PRKCH: variants seen among roughly 807,000 people sequenced by gnomAD.
PRKCH encodes protein kinase C eta.
PRKCH carries 28 observed loss-of-function variants against 82.5 expected under a neutral mutation model. The observed-to-expected ratio is 0.34, with a 90% CI of 0.25 to 0.47. The LOEUF is 0.47. Ranked by LOEUF, PRKCH falls within the 20% of genes least tolerant of loss-of-function variation. The pLI, the probability that PRKCH is intolerant of heterozygous loss-of-function variation, is 1.00. For missense variants in PRKCH, 705 were observed against 881.8 expected, an observed-to-expected ratio of 0.80 and a Z score of 2.54; for synonymous variants, 322 against 327.4, an observed-to-expected ratio of 0.98 and a Z score of 0.18.
chr14:61,426,345 AT>A (rs1205122195), intron 2 of PRKCH, among the ~76,000 whole-genome samples: 4 of 92,468 alleles, frequency 4.3e-5, no homozygotes, highest in Non-Finnish European at 8.6e-5. Context: ...AATGAAAACA[AT>A]TTTTTTAATG....
At chr14:61,493,518 A>G (rs1193450258) in intron 10 of PRKCH, among the ~76,000 whole-genome samples, 1 of 152,218 alleles carries the variant, frequency 6.6e-6, no homozygotes, top group Non-Finnish European at 1.5e-5. Context: ...CAAGAAATAC[A>G]GTATTACAAG....
chr14:61,452,490 T>G (rs1884556511), intron 6 of PRKCH, among the ~76,000 whole-genome samples: 1 of 152,216 alleles, frequency 6.6e-6, no homozygotes, highest in Non-Finnish European at 1.5e-5. Flanking sequence ...TTATTCCAGC[T>G]GATAACGCCT....
At chr14:61,352,290 T>G (rs535523182) in intron 1 of PRKCH, among the ~76,000 whole-genome samples, 21 of 152,290 alleles carry the variant, frequency 1.4e-4, no homozygotes, top group African/African-American at 4.1e-4. Context: ...TTCCTTAAAA[T>G]CAGGTTTGTT....
At position 61,301,081 on chromosome 14, in the gene PRKCH, G is replaced by T. The variant is rs886517242; in HGVS notation, c.-19+113413G>T. Among the ~76,000 whole-genome samples the T allele has an allele frequency of 2.0e-5, 3 of 152,252 alleles. No individual in the cohort carries two copies. In the South Asian group the frequency reaches 6.2e-4, roughly 32 times the overall value. Reference sequence around the variant, plus strand: ...CAGGCGCCCCGCTCTCTCTGCAGGAGAGAGATTCTCTTTTCTCTTTCTTTC... The same window carrying T: ...CAGGCGCCCCGCTCTCTCTGCAGGATAGAGATTCTCTTTTCTCTTTCTTTC... On this transcript the variant is annotated intron_variant, in intron 1 of 3. Coordinates refer to the PRKCH transcript ENST00000555185.
At chr14:61,382,444 AAAAC>A (rs1199561915) in intron 1 of PRKCH, among the ~76,000 whole-genome samples, 6 of 149,944 alleles carry the variant, frequency 4.0e-5, no homozygotes, top group East Asian at 3.8e-4. Flanking sequence ...CAAAAAAACA[AAAAC>A]AAACAAAAAA....
chr14:61,391,515 C>G (rs1373750397), intron 2 of PRKCH, among the ~76,000 whole-genome samples: 1 of 152,228 alleles, frequency 6.6e-6, no homozygotes, highest in Non-Finnish European at 1.5e-5. Context: ...TCATTTAACA[C>G]ACTCAATGAG....
chr14:61,325,313 C>A (rs2045679980), intron 1 of PRKCH, among the ~76,000 whole-genome samples: 1 of 151,864 alleles, frequency 6.6e-6, no homozygotes, highest in Non-Finnish European at 1.5e-5. Context: ...GGAATAGATC[C>A]ACACATATAT....
intron 1 of PRKCH, among the ~76,000 whole-genome samples, chr14:61,213,019 A>G (rs1374567212): frequency 1.3e-5 from 2 of 152,290 alleles, no homozygotes; most frequent in Non-Finnish European, 2.9e-5. Context: ...TTTCTCTGCC[A>G]AGGCCTACCC....
At chr14:61,436,679 C>A (rs965112089) in intron 2 of PRKCH, among the ~76,000 whole-genome samples, 1 of 152,070 alleles carries the variant, frequency 6.6e-6, no homozygotes, top group African/African-American at 2.4e-5. Flanking sequence ...ATTACAGGTG[C>A]CCGCCACCAG....
chr14:61,475,524 T>C (rs571275217), intron 9 of PRKCH, among the ~76,000 whole-genome samples: 1 of 152,270 alleles, frequency 6.6e-6, no homozygotes, highest in South Asian at 2.1e-4. Flanking sequence ...GATGCCTGCT[T>C]TACCAGGCTA....
intron 1 of PRKCH, among the ~76,000 whole-genome samples, chr14:61,201,601 C>T (rs1452099372): frequency 6.6e-6 from 1 of 151,850 alleles, no homozygotes; most frequent in Non-Finnish European, 1.5e-5. Context: ...GAGAGGGGAA[C>T]AAAAGGAAAA....
At chr14:61,265,638 G>C (rs961815602) in intron 1 of PRKCH, among the ~76,000 whole-genome samples, 1 of 152,164 alleles carries the variant, frequency 6.6e-6, no homozygotes, top group Non-Finnish European at 1.5e-5. Context: ...CTGCCACTAA[G>C]AGCACCTTTC....
chr14:61,438,228 C>T (rs1041870412), intron 2 of PRKCH, among the ~76,000 whole-genome samples: 1 of 152,178 alleles, frequency 6.6e-6, no homozygotes, highest in Non-Finnish European at 1.5e-5. Flanking sequence ...ACTCTCTTGT[C>T]TGTCGTCATA....
At chr14:61,423,891 T>C (rs1193324529) in intron 2 of PRKCH, among the ~76,000 whole-genome samples, 1 of 152,168 alleles carries the variant, frequency 6.6e-6, no homozygotes, top group Admixed American at 6.5e-5. Context: ...CCAAATCTCA[T>C]CTTGAATCAT....
chr14:61,288,894 G>T (rs561044164), intron 1 of PRKCH, among the ~76,000 whole-genome samples: 63 of 152,340 alleles, frequency 4.1e-4, no homozygotes, highest in African/African-American at 1.5e-3. Flanking sequence ...AGAGATGAGG[G>T]ATGTCACAGA....
At chr14:61,547,106 A>C (rs1249704919) in intron 12 of PRKCH, among the ~76,000 whole-genome samples, 2 of 152,206 alleles carry the variant, frequency 1.3e-5, no homozygotes, top group Admixed American at 6.5e-5. Context: ...ACCTACTTCG[A>C]AACAGCAGTG....
intron 10 of PRKCH, among the ~76,000 whole-genome samples, chr14:61,487,769 G>T (rs935274189): frequency 1.3e-5 from 2 of 150,850 alleles, no homozygotes; most frequent in African/African-American, 4.9e-5. Context: ...GAGCGGGGAG[G>T]ATCGCTTGAG....
chr14:61,418,161 G>T (rs756648496), intron 2 of PRKCH, among the ~76,000 whole-genome samples: 1 of 152,184 alleles, frequency 6.6e-6, no homozygotes, highest in Non-Finnish European at 1.5e-5. Flanking sequence ...CAAACTGCAC[G>T]TACGATGTAA....
chr14:61,289,719 A>C (rs916068243), intron 1 of PRKCH, among the ~76,000 whole-genome samples: 1 of 152,194 alleles, frequency 6.6e-6, no homozygotes, highest in African/African-American at 2.4e-5. Flanking sequence ...AAATAAACTA[A>C]GTATTGAGGG....
Sources: gnomAD v4.1 joint callset for allele counts (sites outside exome capture counted in the v4.1 genomes callset) on GRCh38, gnomAD v4.1.1 for gene constraint, MANE v1.5 for transcripts, NCBI Gene and HGNC (gene_info 2026-07-23, HGNC 2026-07-21) for gene names.